The following RSPH1 variants were observed in gnomAD, a reference collection of about 807,000 sequenced individuals.
RSPH1 encodes radial spoke head 1 homolog.
A neutral mutation model predicts 44.2 loss-of-function variants in RSPH1; 32 were observed. The observed-to-expected ratio is 0.72, with a 90% CI of 0.55 to 0.97. RSPH1 has a LOEUF of 0.97. Among genes scored for constraint, RSPH1 ranks in the 50% least tolerant of loss-of-function variants. The pLI is 0.00. For missense variants in RSPH1, 391 were observed against 398.7 expected, an observed-to-expected ratio of 0.98 and a Z score of 0.16; for synonymous variants, 134 against 147.3, an observed-to-expected ratio of 0.91 and a Z score of 0.65.
chr21:42,493,173 C>T, intron 1 of RSPH1, 94 bp from the exon 2 acceptor site: 1 of 1,036,050 alleles, frequency 9.7e-7, no homozygotes, highest in Non-Finnish European at 1.5e-6. Context: ...TTGAGTCATC[C>T]CACTATGCTA....
At chr21:42,476,982 CCCACACCCTCT>C (rs1453256686) in intron 7 of RSPH1, among the ~76,000 whole-genome samples, 1 of 64,948 alleles carries the variant, frequency 1.5e-5, no homozygotes, top group African/African-American at 5.6e-5. Context: ...CTGGGGATGC[CCCACACCCTCT>C]GTCCCACAGC....
intron 6 of RSPH1, among the ~76,000 whole-genome samples, chr21:42,479,855 G>A (rs766210333): frequency 6.6e-6 from 1 of 152,122 alleles, no homozygotes; most frequent in Non-Finnish European, 1.5e-5. Flanking sequence ...CTTCCACCCA[G>A]ACTAGAGCAC....
Position 42,486,419 on chromosome 21 carries a change from T to C in RSPH1, c.317A>G (p.Tyr106Cys), listed in dbSNP as rs2054181407. The C allele has an allele frequency of 1.9e-6, 3 of 1,614,076 alleles. No individual in the cohort carries two copies. The highest frequency in any genetic ancestry group is 2.5e-6 in the Non-Finnish European group (3 of 1,179,944). ...AGTGTAGGTGTCATTATTGATGTAG[T>C]AGTATACGCCATGGCCGTGCCGCAG... The part of the protein sequence containing the change: ...NDLRHGHGVY[Y>C]YINNDTYTGE... Residue 106 changes from tyrosine to cysteine, a missense_variant, in exon 4 of 9, where the codon TAC (tyrosine) becomes TGC (cysteine). Coordinates refer to ENST00000291536, the MANE Select transcript of RSPH1 (RefSeq NM_080860.4).
At chr21:42,480,785 G>T (rs2054119847) in intron 6 of RSPH1, among the ~76,000 whole-genome samples, 1 of 152,168 alleles carries the variant, frequency 6.6e-6, no homozygotes, top group Non-Finnish European at 1.5e-5. Flanking sequence ...GACAGCAGTG[G>T]GCGGCACAGA....
intron 8 of RSPH1, among the ~76,000 whole-genome samples, chr21:42,475,255 G>A (rs570324372): frequency 6.3e-4 from 96 of 152,072 alleles, no homozygotes; most frequent in African/African-American, 8.0e-4. Flanking sequence ...GCTAGTTCCC[G>A]ACACCACTAG....
chr21:42,485,879 T>C (rs747788883), intron 4 of RSPH1, 75 bp from the exon 5 acceptor site: 197 of 1,586,644 alleles, frequency 1.2e-4, no homozygotes, highest in Non-Finnish European at 1.6e-4. Context: ...ACACAGACAT[T>C]GACATTGAGG....
intron 4 of RSPH1, chr21:42,486,161 C>T (rs553447407): frequency 1.7e-6 from 1 of 587,166 alleles, no homozygotes; most frequent in Admixed American, 2.9e-5. Context: ...TGCTCTGCCC[C>T]AACTGAGGTG....
Position 42,486,392 on chromosome 21 carries a change from C to A in RSPH1, c.344G>T (p.Gly115Val). Residue 115 changes from glycine to valine, a missense_variant, in exon 4 of 9, where the codon GGA becomes GTA. Physicochemically the swap from Gly to Val is moderately radical, Grantham distance 109 (BLOSUM62 -3). Coordinates refer to ENST00000291536, the MANE Select transcript of RSPH1 (RefSeq NM_080860.4). ...YYYINNDTYT[G>V]EWFAHQRHGQ... Reference sequence around the variant, plus strand: ...GAACCTTTGATGAGCAAACCACTCTCCAGTGTAGGTGTCATTATTGATGTA... The same window carrying A: ...GAACCTTTGATGAGCAAACCACTCTACAGTGTAGGTGTCATTATTGATGTA... 6.2e-7 allele frequency: 1 copy of A among 1,613,842 alleles called. No homozygotes were observed. Among genetic ancestry groups the A allele is most frequent in the Non-Finnish European group, 8.5e-7 (1 of 1,179,714 alleles).
intron 6 of RSPH1, among the ~76,000 whole-genome samples, chr21:42,481,980 C>T (rs2054132534): frequency 6.6e-6 from 1 of 152,208 alleles, no homozygotes; most frequent in African/African-American, 2.4e-5. Flanking sequence ...CTAACAGTCA[C>T]TGGACAAACT....
intron 1 of RSPH1, among the ~76,000 whole-genome samples, chr21:42,495,697 G>C (rs992534728): frequency 1.3e-5 from 2 of 152,186 alleles, no homozygotes; most frequent in African/African-American, 4.8e-5. Context: ...GAGGCTGCCA[G>C]GAAGCAACTA....
chr21:42,477,285 C>G lies in RSPH1; in HGVS notation c.727+6G>C, dbSNP rs374688679. The G allele has an allele frequency of 2.0e-5, 33 of 1,613,114 alleles. No homozygotes were observed. ...CTCCACCCCACAGCCCGGGGGTGCC[C>G]CACACTCTCAGCTCCTGGAGCGTCT... On this transcript the variant is annotated splice_donor_region_variant and intron_variant, in intron 7 of 8. Transcript: ENST00000291536.
At chr21:42,477,083 G>GGTGCCCT (rs2054066577) in intron 7 of RSPH1, among the ~76,000 whole-genome samples, 1 of 138,540 alleles carries the variant, frequency 7.2e-6, no homozygotes, top group African/African-American at 2.7e-5. Context: ...ACAGCCCGGG[G>GGTGCCCT]ATGCCCCACA....
At chr21:42,477,623 T>C (rs1483153825) in intron 6 of RSPH1, among the ~76,000 whole-genome samples, 179 bp from the exon 7 acceptor site, 1 of 152,090 alleles carries the variant, frequency 6.6e-6, no homozygotes, top group African/African-American at 2.4e-5. Flanking sequence ...AATCTCAGGG[T>C]TGAGAATGGA....
At position 42,489,525 on chromosome 21, in the gene RSPH1, C is replaced by G. The variant is rs113268211; in HGVS notation, c.275-3064G>C. 6.7e-3 allele frequency among the ~76,000 whole-genome samples: 1,026 copies of G among 152,248 alleles called. 6 individuals carry two copies. Among genetic ancestry groups the G allele is most frequent in the Non-Finnish European group, 8.7e-3 (591 of 68,022 alleles). On this transcript the variant is annotated intron_variant, in intron 3 of 8. Transcript: ENST00000291536. Reference sequence around the variant, plus strand: ...GAAGCTCTCCAAGATGCTCCTCCCCCCTCAAATGCTGGTTGGTCACTGGTT... The same window carrying G: ...GAAGCTCTCCAAGATGCTCCTCCCCGCTCAAATGCTGGTTGGTCACTGGTT...
intron 6 of RSPH1, among the ~76,000 whole-genome samples, chr21:42,478,450 C>A (rs1359152658): frequency 6.6e-6 from 1 of 152,188 alleles, no homozygotes; most frequent in Admixed American, 6.5e-5. Flanking sequence ...TAGCCCCACC[C>A]CCAGAGTTTC....
intron 1 of RSPH1, among the ~76,000 whole-genome samples, chr21:42,495,564 A>G (rs955142808): frequency 2.0e-5 from 3 of 152,202 alleles, no homozygotes; most frequent in Non-Finnish European, 4.4e-5. Context: ...TAACTCAGGA[A>G]ATAACTCCAA....
At chr21:42,494,118 A>G (rs1388330172) in intron 1 of RSPH1, among the ~76,000 whole-genome samples, 1 of 152,374 alleles carries the variant, frequency 6.6e-6, no homozygotes, top group South Asian at 2.1e-4. Context: ...TCCTTCAGAA[A>G]ATAAATGTTC....
chr21:42,489,550 T>C (rs1343253845), intron 3 of RSPH1, among the ~76,000 whole-genome samples: 4 of 152,198 alleles, frequency 2.6e-5, no homozygotes, highest in African/African-American at 9.6e-5. Flanking sequence ...GGTCACTGGT[T>C]TGCCATGCTG....
intron 8 of RSPH1, among the ~76,000 whole-genome samples, chr21:42,475,696 C>G (rs2054039649): frequency 7.3e-6 from 1 of 137,202 alleles, no homozygotes; most frequent in African/African-American, 2.7e-5. Context: ...GCCTCTCCCA[C>G]TGCAGCCAGG....
Sources: allele counts gnomAD v4.1 joint callset (sites outside exome capture counted in the v4.1 genomes callset), GRCh38; gene constraint gnomAD v4.1.1; transcripts MANE v1.5; gene names NCBI Gene and HGNC (gene_info 2026-07-23, HGNC 2026-07-21).